The following COL17A1 variants were observed in gnomAD, a reference collection of about 807,000 sequenced individuals.
COL17A1 encodes collagen type XVII alpha 1 chain.
In COL17A1, 181 loss-of-function variants were observed where a neutral mutation model predicts 218.4. That is an observed-to-expected ratio of 0.83 (90% confidence interval 0.73 to 0.94). The LOEUF is 0.94. Ranked by LOEUF, COL17A1 falls within the 40% of genes least tolerant of loss-of-function variation. The pLI is 0.00. For synonymous variants in COL17A1, 721 were observed against 731.0 expected, an observed-to-expected ratio of 0.99 and a Z score of 0.22; for missense variants, 1,924 against 1,945.9, an observed-to-expected ratio of 0.99 and a Z score of 0.21.
At chr10:104,049,042 G>C (rs948430472) in intron 29 of COL17A1, among the ~76,000 whole-genome samples, 5 of 152,100 alleles carry the variant, frequency 3.3e-5, no homozygotes, top group African/African-American at 7.2e-5. Context: ...CACCTCAGGT[G>C]AACAAAAGGG....
chr10:104,039,753 G>A, intron 41 of COL17A1, 113 bp from the exon 42 acceptor site: 1 of 1,410,482 alleles, frequency 7.1e-7, no homozygotes, highest in Non-Finnish European at 9.9e-7. Context: ...CCTTTGGGCA[G>A]TACCTAGAGA....
At chr10:104,080,836 T>C (rs1274658243) in intron 1 of COL17A1, among the ~76,000 whole-genome samples, 152 bp from the exon 2 acceptor site, 1 of 152,250 alleles carries the variant, frequency 6.6e-6, no homozygotes, top group East Asian at 1.9e-4. Context: ...GTCATTCCCA[T>C]TTCTTGTAAC....
At chr10:104,078,662 T>G in intron 2 of COL17A1, 76 bp from the exon 3 acceptor site, 1 of 1,585,544 alleles carries the variant, frequency 6.3e-7, no homozygotes, top group Non-Finnish European at 8.6e-7. Context: ...GTCTAAGCTC[T>G]GTCACAGGCT....
At chr10:104,072,230 G>C in intron 7 of COL17A1, 151 bp from the exon 8 acceptor site, 3 of 1,230,014 alleles carry the variant, frequency 2.4e-6, no homozygotes, top group Non-Finnish European at 2.3e-6. Flanking sequence ...CAAGAAGAGT[G>C]CTGCTTAAAA....
chr10:104,052,258 C>T, intron 23 of COL17A1, 41 bp from the exon 24 acceptor site: 1 of 1,612,974 alleles, frequency 6.2e-7, no homozygotes, highest in Non-Finnish European at 8.5e-7. Flanking sequence ...GGAGAGGCCC[C>T]AGTGTGGCTG....
At chr10:104,056,071 A>G in intron 17 of COL17A1, 68 bp from the exon 18 acceptor site, 2 of 1,569,604 alleles carry the variant, frequency 1.3e-6, no homozygotes, top group Non-Finnish European at 1.8e-6. Context: ...ACTCGCTCCT[A>G]GTGGAGAGCC....
intron 40 of COL17A1, 142 bp from the exon 41 acceptor site, chr10:104,040,141 G>T: frequency 9.6e-7 from 1 of 1,042,418 alleles, no homozygotes; most frequent in Non-Finnish European, 1.5e-6. Context: ...CTCTCACTAG[G>T]CCAATGTTGG....
chr10:104,065,493 T>C (rs1026762741), intron 9 of COL17A1, among the ~76,000 whole-genome samples: 1 of 152,238 alleles, frequency 6.6e-6, no homozygotes, highest in Non-Finnish European at 1.5e-5. Context: ...TCTGACTTCC[T>C]CCAGAGACCC....
chr10:104,033,403 G>A, intron 52 of COL17A1, 28 bp from the exon 53 acceptor site: 1 of 1,607,560 alleles, frequency 6.2e-7, no homozygotes, highest in Non-Finnish European at 8.5e-7. Context: ...TTGGGCACAG[G>A]AAGCAGGGAT....
intron 29 of COL17A1, 116 bp from the exon 30 acceptor site, chr10:104,048,220 C>T: frequency 9.4e-7 from 1 of 1,064,184 alleles, no homozygotes; most frequent in Non-Finnish European, 1.5e-6. Flanking sequence ...ACGCAGCCAT[C>T]AGCCACGGGA....
chr10:104,033,029 A>T, intron 53 of COL17A1, 61 bp from the exon 54 acceptor site: 1 of 1,584,776 alleles, frequency 6.3e-7, no homozygotes, highest in South Asian at 1.1e-5. Context: ...TGGGACATCA[A>T]GTCATTTGTT....
intron 17 of COL17A1, among the ~76,000 whole-genome samples, chr10:104,056,382 A>G (rs1277879851): frequency 1.3e-5 from 2 of 152,076 alleles, no homozygotes; most frequent in Non-Finnish European, 2.9e-5. Context: ...GGAAATCGAG[A>G]CCATCCTGGC....
rs751855488 is a variant in COL17A1 at position 104,033,013 on chromosome 10, G to A, written c.4295-45C>T. 2.5e-6 allele frequency: 4 copies of A among 1,599,162 alleles called. No individual in the cohort carries two copies. The Admixed American group carries it at 6.9e-5, about 28-fold the overall frequency. ...CTGGCCTTAGAGTCTTGATCACCTG[G>A]AAGCTTGGGACATCAAGTCATTTGT... On this transcript the variant is annotated intron_variant, in intron 53 of 55. Coordinates refer to ENST00000648076, the MANE Select transcript of COL17A1 (RefSeq NM_000494.4).
At chr10:104,074,517 G>A (rs747353436) in intron 5 of COL17A1, among the ~76,000 whole-genome samples, 1 of 152,236 alleles carries the variant, frequency 6.6e-6, no homozygotes, top group East Asian at 1.9e-4. Context: ...TTTCTTTTTT[G>A]TTCAGTTCCT....
In COL17A1 at chr10:104,033,544, C is replaced by T. The variant is rs187872177; in HGVS notation, c.4157-169G>A. 1.7e-3 allele frequency among the ~76,000 whole-genome samples: 264 copies of T among 152,312 alleles called. 2 individuals are homozygous for T. Among genetic ancestry groups the T allele is most frequent in the South Asian group, 0.012 (56 of 4,828 alleles). ...TTTGTATTCCACTGTGTGACTGGCA[C>T]AGGTCTCTTCCTGCTGTGGGCCGGC... On this transcript the variant is annotated intron_variant, in intron 52 of 55. Transcript: ENST00000648076.
intron 48 of COL17A1, 152 bp downstream of exon 48, chr10:104,036,340 A>G (rs1247804464): frequency 4.4e-6 from 5 of 1,142,428 alleles, no homozygotes; most frequent in South Asian, 1.3e-5. Flanking sequence ...CCAGGCTCAC[A>G]GGTTTGAACG....
In COL17A1 at chr10:104,034,105, T is replaced by G. The variant is rs1481024091; in HGVS notation, c.3996A>C (p.Gly1332=). Residue 1332 remains glycine, a synonymous_variant, in exon 52 of 56, where the codon GGA becomes GGC. Transcript: ENST00000648076. ...TGTCAGTGCCATAGGGACCCCTGTC[T>G]CCTGCAGCTTCACCAAAGGCACCGC... ...GAGGAFGEAA[G]DRGPYGTDIG... The G allele has an allele frequency of 6.2e-7, 1 of 1,614,096 alleles. No individual in the cohort carries two copies. The highest frequency in any genetic ancestry group is 8.5e-7 in the Non-Finnish European group (1 of 1,180,026).
chr10:104,044,040 A>C (rs1234684403), intron 33 of COL17A1, among the ~76,000 whole-genome samples, 180 bp from the exon 34 acceptor site: 1 of 152,236 alleles, frequency 6.6e-6, no homozygotes, highest in Non-Finnish European at 1.5e-5. Context: ...CCAATCTTTC[A>C]GCCAGAGTCC....
intron 9 of COL17A1, among the ~76,000 whole-genome samples, chr10:104,065,968 A>T (rs1213038038): frequency 6.6e-6 from 1 of 152,204 alleles, no homozygotes; most frequent in Non-Finnish European, 1.5e-5. Flanking sequence ...GAAACAGGAT[A>T]TACTAGGCCC....
Sources: allele counts gnomAD v4.1 joint callset (sites outside exome capture counted in the v4.1 genomes callset), GRCh38; gene constraint gnomAD v4.1.1; transcripts MANE v1.5; gene names NCBI Gene and HGNC (gene_info 2026-07-23, HGNC 2026-07-21).